The following PLB1 variants were observed in gnomAD, a reference collection of about 807,000 sequenced individuals.
The protein encoded by PLB1 is phospholipase B1, membrane-associated.
Under a neutral mutation model 227.4 loss-of-function variants are expected in PLB1, and 242 were observed. That is an observed-to-expected ratio of 1.06 (90% CI 0.96 to 1.18). The LOEUF is 1.18. Among genes scored for constraint, PLB1 ranks in the 50% most tolerant of loss-of-function variants. The pLI, the probability that PLB1 is intolerant of heterozygous loss-of-function variation, is 0.00. For synonymous variants in PLB1, 757 were observed against 682.2 expected (o/e 1.11, Z -1.71); for missense variants, 1,858 against 1,816.3 (o/e 1.02, Z -0.42).
In PLB1 at chr2:28,603,984, T is replaced by TCTGACC; in HGVS notation, c.2797_2802dup (p.Thr933_Leu934dup). 2 of 1,614,234 alleles carry TCTGACC rather than the reference T, an allele frequency of 1.2e-6. No homozygotes were observed. The highest frequency in any genetic ancestry group is 1.6e-4 in the Middle Eastern group (1 of 6,062). On this transcript the variant is annotated inframe_insertion, in exon 40 of 58. Coordinates refer to ENST00000327757, the MANE Select transcript of PLB1 (RefSeq NM_153021.5). ...TGTGCAGCGTTTTGTGTAACTGCGT[T>TCTGACC]CTGACCCTGCGGGAGAACTCCCAAG... is the stretch of plus-strand genomic sequence containing the variant.
rs554777296 is a variant in PLB1 at position 28,548,755 on chromosome 2, G to A, written c.937-105G>A. On this transcript the variant is annotated intron_variant, in intron 14 of 57. Transcript: ENST00000327757. The stretch of plus-strand genomic sequence containing the variant: ...GGCTGGACACGTGCATTTCTAATGC[G>A]TTCCCTGGTACTGCTGCTGGACTAA... The A allele has an allele frequency of 2.8e-4, 297 of 1,063,118 alleles. 1 individual carries two copies. In the African/African-American group the frequency reaches 3.7e-3, roughly 13 times the overall value. The allele number at this position is 1,063,118 out of a possible 1,614,324, so 65.9% of individuals were successfully genotyped here.
chr2:28,622,356 GA>G (rs1687156914), intron 49 of PLB1, among the ~76,000 whole-genome samples: 1 of 152,128 alleles, frequency 6.6e-6, no homozygotes, highest in African/African-American at 2.4e-5. Flanking sequence ...AATAAATAGG[GA>G]TAATAATAGT....
At chr2:28,589,880 C>T (rs144444183) in intron 28 of PLB1, 110 bp downstream of exon 28, 56 of 1,352,850 alleles carry the variant, frequency 4.1e-5, no homozygotes, top group African/African-American at 2.0e-4. Context: ...ATTCTATGCA[C>T]GGCAATGACA....
chr2:28,561,633 G>T (rs78471922), intron 17 of PLB1, among the ~76,000 whole-genome samples: 4,315 of 152,350 alleles, frequency 0.028, 95 homozygotes, highest in Middle Eastern at 0.071. Flanking sequence ...GCTCATGCCT[G>T]TAATCCCAGC....
At position 28,568,371 on chromosome 2, in the gene PLB1, T is replaced by C. The variant is rs536429879; in HGVS notation, c.1324+1532T>C. Among the ~76,000 whole-genome samples the C allele has an allele frequency of 9.2e-5, 14 of 152,338 alleles. No individual in the cohort carries two copies. In the South Asian group the frequency reaches 2.9e-3, roughly 32 times the overall value. ...TTTCACCAAAGTAATTTACAAAGGA[T>C]TGAGACAATGTTACCCCACAGGTGG... On this transcript the variant is annotated intron_variant, in intron 20 of 57. Transcript: ENST00000327757.
chr2:28,610,093 T>A (rs966417961), intron 43 of PLB1, among the ~76,000 whole-genome samples: 12 of 152,084 alleles, frequency 7.9e-5, no homozygotes, highest in Admixed American at 6.5e-5. Context: ...ACACTTTCTT[T>A]TTTATTTATT....
At chr2:28,587,883 G>A (rs1208880470) in intron 26 of PLB1, among the ~76,000 whole-genome samples, 2 of 152,156 alleles carry the variant, frequency 1.3e-5, no homozygotes, top group Admixed American at 6.5e-5. Context: ...CTCCAAACTT[G>A]GAAGTGGGTT....
Position 28,593,595 on chromosome 2 carries a change from C to T in PLB1, c.2248-86C>T, listed in dbSNP as rs933372311. 4.0e-5 allele frequency: 46 copies of T among 1,144,122 alleles called. 1 individual carries two copies. The African/African-American group carries it at 5.7e-4, about 14-fold the overall frequency. 70.9% of individuals were successfully genotyped at this position (1,144,122 alleles called of 1,614,324 possible). A position where few individuals can be genotyped will look rare whatever the true frequency, so the allele number is the denominator to read the frequency against. On this transcript the variant is annotated intron_variant, in intron 32 of 57. Transcript: ENST00000327757. ...CCTGCCACCACGAGTGCATTGGGAA[C>T]CCCCTCTTTGGAAGCCCTGTGCATT... is the stretch of plus-strand genomic sequence containing the variant.
chr2:28,541,335 C>G (rs1437858693), intron 12 of PLB1, among the ~76,000 whole-genome samples: 2 of 152,226 alleles, frequency 1.3e-5, no homozygotes, highest in African/African-American at 2.4e-5. Context: ...TGCATGGTAT[C>G]TCTCTCGCTC....
intron 1 of PLB1, among the ~76,000 whole-genome samples, chr2:28,516,324 C>T (rs1668847373): frequency 6.6e-6 from 1 of 152,196 alleles, no homozygotes; most frequent in African/African-American, 2.4e-5. Flanking sequence ...CAGCCCCTGT[C>T]CAGGTACTTA....
intron 1 of PLB1, among the ~76,000 whole-genome samples, chr2:28,516,528 ATGTGCT>A (rs1277882154): frequency 1.3e-5 from 2 of 152,344 alleles, no homozygotes; most frequent in African/African-American, 4.8e-5. Flanking sequence ...ATCTGTGATA[ATGTGCT>A]TGTGCATGAT....
chr2:28,589,470 T>A lies in PLB1; in HGVS notation c.1836T>A (p.Ile612=), dbSNP rs369090810. 6.2e-7 allele frequency: 1 copy of A among 1,613,668 alleles called. No individual in the cohort carries two copies. Among genetic ancestry groups the A allele is most frequent in the Non-Finnish European group, 8.5e-7 (1 of 1,179,688 alleles). ...KKFQEKTHQL[I]ESGRYDTRED... Reference sequence around the variant, plus strand: ...TGCAGGAGAAGACCCACCAACTGATTGAGAGTGGGCGATATGACACAAGGG... The same window carrying A: ...TGCAGGAGAAGACCCACCAACTGATAGAGAGTGGGCGATATGACACAAGGG... The change falls in exon 27 of 58, where the codon ATT becomes ATA. Residue 612 remains isoleucine, a synonymous_variant. Coordinates refer to ENST00000327757, the MANE Select transcript of PLB1 (RefSeq NM_153021.5).
At chr2:28,620,458 T>C in intron 47 of PLB1, 126 bp downstream of exon 47, 4 of 1,352,422 alleles carry the variant, frequency 3.0e-6, no homozygotes, top group Non-Finnish European at 4.0e-6. Context: ...GACAGGAGAC[T>C]CAATGCTTGC....
chr2:28,573,402 C>G, intron 21 of PLB1, 97 bp downstream of exon 21: 1 of 895,962 alleles, frequency 1.1e-6, no homozygotes, highest in South Asian at 1.4e-5. Context: ...GGTTGAAGGG[C>G]TTTGTCAGAG....
At chr2:28,570,139 A>C (rs375482084) in intron 20 of PLB1, among the ~76,000 whole-genome samples, 5 of 152,282 alleles carry the variant, frequency 3.3e-5, no homozygotes, top group African/African-American at 1.2e-4. Flanking sequence ...AATTCCTCCC[A>C]AAAACAGAAG....
At position 28,592,695 on chromosome 2, in the gene PLB1, G is replaced by A; in HGVS notation, c.2223G>A (p.Val741=). The A allele has an allele frequency of 6.2e-7, 1 of 1,614,128 alleles. No individual in the cohort carries two copies. Among genetic ancestry groups the A allele is most frequent in the South Asian group, 1.1e-5 (1 of 91,080 alleles). Reference sequence around the variant, plus strand: ...TGAGACCTGCAGACATCCAAGTTGTGGCTGCTCTGGGGGATTCTCTGACCG... The same window carrying A: ...TGAGACCTGCAGACATCCAAGTTGTAGCTGCTCTGGGGGATTCTCTGACCG... The part of the protein sequence containing the change: ...HALRPADIQV[V]AALGDSLTAG... Residue 741 remains valine, a synonymous_variant, in exon 32 of 58, where the codon GTG becomes GTA. Coordinates refer to ENST00000327757, the MANE Select transcript of PLB1 (RefSeq NM_153021.5).
intron 44 of PLB1, among the ~76,000 whole-genome samples, chr2:28,615,482 C>G (rs1283549626): frequency 1.3e-5 from 2 of 152,186 alleles, no homozygotes; most frequent in Admixed American, 6.5e-5. Flanking sequence ...GCTGAAGAAA[C>G]TAACCCATAT....
chr2:28,600,691 A>C (rs1573334599), intron 35 of PLB1, 118 bp from the exon 36 acceptor site: 2 of 889,872 alleles, frequency 2.2e-6, no homozygotes, highest in East Asian at 4.9e-5. Flanking sequence ...GAGCCTCGGG[A>C]TCTCTGCCAG....
intron 50 of PLB1, 142 bp from the exon 51 acceptor site, chr2:28,626,286 G>A (rs376510115): frequency 1.8e-4 from 116 of 640,368 alleles, no homozygotes; most frequent in East Asian, 1.6e-3. Flanking sequence ...GTGAGCCACC[G>A]TGCCTGGCCC....
Sources: allele counts gnomAD v4.1 joint callset (sites outside exome capture counted in the v4.1 genomes callset), GRCh38; gene constraint gnomAD v4.1.1; transcripts MANE v1.5; gene names NCBI Gene and HGNC (gene_info 2026-07-23, HGNC 2026-07-21).